Variants in REEP3 observed in about 807,000 individuals in gnomAD.
REEP3 encodes the protein receptor expression-enhancing protein 3.
A neutral mutation model predicts 41.3 loss-of-function variants in REEP3; 20 were observed. That is an observed-to-expected ratio of 0.48 (90% CI 0.34 to 0.70). The LOEUF (loss-of-function observed/expected upper bound fraction) is 0.70, where lower values mean the gene tolerates loss of function less well. REEP3 is among the 30% of genes least tolerant of loss of function. The pLI, the probability that REEP3 is intolerant of heterozygous loss-of-function variation, is 0.01. For missense variants in REEP3, 271 were observed against 308.8 expected (o/e 0.88, Z 0.92); for synonymous variants, 104 against 101.8 (o/e 1.02, Z -0.13).
chr10:63,610,681 A>G (rs922253483), intron 6 of REEP3, among the ~76,000 whole-genome samples: 4 of 152,180 alleles, frequency 2.6e-5, no homozygotes, highest in Admixed American at 2.6e-4. Context: ...ATTTAGGTAG[A>G]CAAAATTTAC....
At chr10:63,604,345 CA>C (rs1315888937) in intron 5 of REEP3, among the ~76,000 whole-genome samples, 1 of 152,202 alleles carries the variant, frequency 6.6e-6, no homozygotes, top group African/African-American at 2.4e-5. Flanking sequence ...TAGCTTTTCA[CA>C]TGAGAAACAT....
chr10:63,595,875 G>A (rs1380374846), intron 3 of REEP3, among the ~76,000 whole-genome samples: 1 of 152,224 alleles, frequency 6.6e-6, no homozygotes, highest in African/African-American at 2.4e-5. Flanking sequence ...ATTGCACCCA[G>A]CTAAAATGAC....
At chr10:63,543,782 C>T (rs1186863726) in intron 1 of REEP3, among the ~76,000 whole-genome samples, 2 of 152,218 alleles carry the variant, frequency 1.3e-5, no homozygotes, top group South Asian at 2.1e-4. Flanking sequence ...AGACCACAAA[C>T]GGGAAAGTCA....
chr10:63,601,957 T>TA (rs142042636), intron 5 of REEP3, among the ~76,000 whole-genome samples: 5,451 of 151,338 alleles, frequency 0.036, 326 homozygotes, highest in East Asian at 0.29. Flanking sequence ...AAATAAATAA[T>TA]AAAAAATAAA....
chr10:63,569,869 G>A (rs1955837404), intron 2 of REEP3, among the ~76,000 whole-genome samples: 1 of 151,978 alleles, frequency 6.6e-6, no homozygotes, highest in African/African-American at 2.4e-5. Flanking sequence ...CTGAGCCTGG[G>A]AGTCGAGACT....
At chr10:63,533,725 T>TTTTTTTTTTTTTTTTTTTTTTTTTTAGG in intron 1 of REEP3, among the ~76,000 whole-genome samples, 1 of 143,798 alleles carries the variant, frequency 7.0e-6, no homozygotes, top group Non-Finnish European at 1.5e-5. Flanking sequence ...TTTTTTTTTT[T>TTTTTTTTTTTTTTTTTTTTTTTTTTAGG]GAGACGGAGT....
intron 1 of REEP3, among the ~76,000 whole-genome samples, chr10:63,536,815 A>T (rs767875311): frequency 6.6e-6 from 1 of 152,236 alleles, no homozygotes; most frequent in Non-Finnish European, 1.5e-5. Context: ...ATTCCATTTC[A>T]CACTTACTAG....
intron 2 of REEP3, among the ~76,000 whole-genome samples, chr10:63,577,895 A>C (rs896846197): frequency 6.6e-6 from 1 of 152,090 alleles, no homozygotes; most frequent in African/African-American, 2.4e-5. Context: ...TCCTGGTTCC[A>C]AAATTCTTAT....
chr10:63,603,923 A>G (rs976199455), intron 5 of REEP3, among the ~76,000 whole-genome samples: 2 of 152,238 alleles, frequency 1.3e-5, no homozygotes, highest in African/African-American at 4.8e-5. Context: ...GACACTTCAT[A>G]CTGAAGAGTA....
rs1344308157 is a variant in REEP3 at position 63,556,628 on chromosome 10, TG to T, written c.33-9709del. 1.7e-3 allele frequency among the ~76,000 whole-genome samples: 67 copies of T among 39,346 alleles called. 3 individuals carry two copies. Among genetic ancestry groups the T allele is most frequent in the African/African-American group, 4.6e-3 (62 of 13,428 alleles). The allele number at this position is 39,346 out of a possible 152,430, so 25.8% of individuals were successfully genotyped here. A position where few individuals can be genotyped will look rare whatever the true frequency, so the allele number is the denominator to read the frequency against. On this transcript the variant is annotated intron_variant, in intron 1 of 7. Transcript: ENST00000373758. ...TCTGTTTGCTTGTTTTTTTTTTTGTTGTTTTGTTTTTTTTTTTTTTTTTTTG... is the reference window on the plus strand; with the variant it reads ...TCTGTTTGCTTGTTTTTTTTTTTGTTTTTTGTTTTTTTTTTTTTTTTTTTG...
chr10:63,537,129 G>T (rs962055475), intron 1 of REEP3, among the ~76,000 whole-genome samples: 1 of 152,202 alleles, frequency 6.6e-6, no homozygotes, highest in African/African-American at 2.4e-5. Context: ...GAATTGGTAA[G>T]TAAACATTGG....
At chr10:63,590,074 C>T (rs538102798) in intron 2 of REEP3, among the ~76,000 whole-genome samples, 3 of 152,182 alleles carry the variant, frequency 2.0e-5, no homozygotes, top group East Asian at 3.9e-4. Context: ...AGATTACAGG[C>T]GTGAGCCACC....
At chr10:63,559,673 C>G (rs1246634911) in intron 1 of REEP3, among the ~76,000 whole-genome samples, 2 of 152,110 alleles carry the variant, frequency 1.3e-5, no homozygotes, top group Non-Finnish European at 2.9e-5. Context: ...AAGCCTCAGT[C>G]TTTGCATCTG....
intron 1 of REEP3, among the ~76,000 whole-genome samples, chr10:63,535,210 G>A (rs1955463008): frequency 6.6e-6 from 1 of 151,684 alleles, no homozygotes; most frequent in African/African-American, 2.4e-5. Flanking sequence ...AGAGACATAA[G>A]GGGAAAAAAA....
chr10:63,561,031 A>G (rs1189264665), intron 1 of REEP3, among the ~76,000 whole-genome samples: 1 of 152,216 alleles, frequency 6.6e-6, no homozygotes, highest in Non-Finnish European at 1.5e-5. Context: ...TCCAAATGAA[A>G]TGATTATTGT....
rs530631263 is a variant in REEP3, at chr10:63,582,939, C to G, written c.106-11839C>G. On this transcript the variant is annotated intron_variant, in intron 2 of 7. Coordinates refer to ENST00000373758, the MANE Select transcript of REEP3 (RefSeq NM_001001330.3). ...CCTTTGAAGAGAAGTAATTTGATAA[C>G]ACAGGTTTGTTCTCGGTCATGATGG... Among the ~76,000 whole-genome samples, 96 of 152,264 alleles carry G rather than the reference C, an allele frequency of 6.3e-4. No individual in the cohort carries two copies. In the Middle Eastern group the frequency reaches 0.01, roughly 16 times the overall value.
intron 1 of REEP3, among the ~76,000 whole-genome samples, chr10:63,527,219 C>G (rs1163152066): frequency 6.6e-6 from 1 of 152,068 alleles, no homozygotes; most frequent in Non-Finnish European, 1.5e-5. Context: ...CCCTTCTTTT[C>G]AGCTTCATCT....
chr10:63,598,542 T>G (rs1016408928), intron 4 of REEP3, among the ~76,000 whole-genome samples: 3 of 150,064 alleles, frequency 2.0e-5, no homozygotes, highest in African/African-American at 7.4e-5. Flanking sequence ...CCCAGCACTT[T>G]GGGACGCCGA....
intron 5 of REEP3, among the ~76,000 whole-genome samples, chr10:63,601,463 A>C (rs1343455346): frequency 1.3e-5 from 2 of 152,240 alleles, no homozygotes. Context: ...GTCATTCAGC[A>C]CAGAAAGGAG....
Sources: allele counts gnomAD v4.1 joint callset (sites outside exome capture counted in the v4.1 genomes callset), GRCh38; gene constraint gnomAD v4.1.1; transcripts MANE v1.5; gene names NCBI Gene and HGNC (gene_info 2026-07-23, HGNC 2026-07-21).